The following CNTN1 variants were observed in gnomAD, a reference collection of about 807,000 sequenced individuals.
CNTN1 encodes contactin-1.
A neutral mutation model predicts 126.4 loss-of-function variants in CNTN1; 38 were observed. The observed-to-expected ratio is 0.30, with a 90% confidence interval of 0.23 to 0.39. CNTN1 has a LOEUF of 0.39. CNTN1 is among the 10% of genes least tolerant of loss of function. The probability of loss-of-function intolerance (pLI) is 1.00; values close to 1 mark genes in which losing one functional copy is unlikely to be tolerated. For synonymous variants in CNTN1, 413 were observed against 422.6 expected, an observed-to-expected ratio of 0.98 and a Z score of 0.28; for missense variants, 1,009 against 1,248.4, an observed-to-expected ratio of 0.81 and a Z score of 2.89.
intron 1 of CNTN1, among the ~76,000 whole-genome samples, chr12:40,759,641 A>G (rs1565695934): frequency 6.6e-6 from 1 of 150,898 alleles, no homozygotes. Flanking sequence ...AATTTTCTGT[A>G]TTTTTTTTGT....
chr12:40,996,778 ACTTG>A (rs1241194644), intron 17 of CNTN1, among the ~76,000 whole-genome samples: 1 of 152,200 alleles, frequency 6.6e-6, no homozygotes, highest in Non-Finnish European at 1.5e-5. Context: ...TTTGCCATTT[ACTTG>A]CTTTATTAAA....
chr12:41,014,474 T>C (rs1022350632), intron 18 of CNTN1, among the ~76,000 whole-genome samples, 176 bp downstream of exon 18: 1 of 152,230 alleles, frequency 6.6e-6, no homozygotes, highest in Admixed American at 6.5e-5. Context: ...TACTGTGGCT[T>C]AGTGTGTAGC....
At chr12:40,726,033 A>C (rs1267241317) in intron 1 of CNTN1, among the ~76,000 whole-genome samples, 1 of 152,176 alleles carries the variant, frequency 6.6e-6, no homozygotes, top group Non-Finnish European at 1.5e-5. Context: ...AGAAGACATC[A>C]ATACACAGGT....
At chr12:41,057,232 A>G (rs1215121650) in intron 23 of CNTN1, among the ~76,000 whole-genome samples, 1 of 145,882 alleles carries the variant, frequency 6.9e-6, no homozygotes, top group African/African-American at 2.5e-5. Context: ...TATTATTATA[A>G]ATATTTAGAT....
At chr12:40,911,785 A>G (rs1050405357) in intron 3 of CNTN1, among the ~76,000 whole-genome samples, 4 of 152,184 alleles carry the variant, frequency 2.6e-5, no homozygotes, top group Non-Finnish European at 5.9e-5. Flanking sequence ...CTTTCCCAGA[A>G]ACCTTACACT....
chr12:40,792,028 A>G (rs1054895208), intron 1 of CNTN1, among the ~76,000 whole-genome samples: 4 of 152,142 alleles, frequency 2.6e-5, no homozygotes, highest in African/African-American at 7.2e-5. Flanking sequence ...TGTGTGAGGA[A>G]ATCAATTTAA....
intron 17 of CNTN1, among the ~76,000 whole-genome samples, chr12:40,996,169 G>T (rs7305929): frequency 0.1 from 15,511 of 151,400 alleles, 893 homozygotes; most frequent in Non-Finnish European, 0.13. Flanking sequence ...CAGTTCAGTG[G>T]CTCTTTTTTT....
intron 1 of CNTN1, among the ~76,000 whole-genome samples, chr12:40,741,730 C>T (rs552623765): frequency 1.3e-5 from 2 of 152,130 alleles, no homozygotes; most frequent in South Asian, 4.1e-4. Context: ...TATCATTTCA[C>T]TTCAGACTTA....
intron 1 of CNTN1, among the ~76,000 whole-genome samples, chr12:40,888,173 T>A (rs1026981888): frequency 3.3e-5 from 5 of 152,026 alleles, no homozygotes; most frequent in Admixed American, 3.3e-4. Flanking sequence ...ATAATAATAA[T>A]AAAGAGTCTT....
intron 15 of CNTN1, among the ~76,000 whole-genome samples, chr12:40,961,249 C>T (rs1376483857): frequency 6.6e-6 from 1 of 151,870 alleles, no homozygotes; most frequent in Non-Finnish European, 1.5e-5. Flanking sequence ...GAGTCATAAC[C>T]ATTCTTCAAA....
intron 23 of CNTN1, among the ~76,000 whole-genome samples, chr12:41,033,496 C>A (rs1949189825): frequency 6.8e-6 from 1 of 148,090 alleles, no homozygotes; most frequent in Non-Finnish European, 1.5e-5. Context: ...TATTTTAAGT[C>A]TTTACTTTTC....
chr12:40,715,918 G>C lies in CNTN1; in HGVS notation c.-77+23326G>C, dbSNP rs1290377837. Among the ~76,000 whole-genome samples, 4 of 152,126 alleles carry C rather than the reference G, an allele frequency of 2.6e-5. No individual in the cohort carries two copies. In the South Asian group the frequency reaches 6.2e-4, roughly 24 times the overall value. ...ACCACCATTCAGACATTCAGAGTTA[G>C]TTAGTTTGGGCTTGCATCTTGACAT... On this transcript the variant is annotated intron_variant, in intron 1 of 23. Transcript: ENST00000551295.
At chr12:40,947,782 TAC>T (rs56852774) in intron 14 of CNTN1, among the ~76,000 whole-genome samples, 10,871 of 118,502 alleles carry the variant, frequency 0.092, 741 homozygotes, top group African/African-American at 0.16. Context: ...TATATATATA[TAC>T]ACACACACAC....
At chr12:41,014,382 A>G in intron 18 of CNTN1, 84 bp downstream of exon 18, 1 of 1,378,318 alleles carries the variant, frequency 7.3e-7, no homozygotes, top group Non-Finnish European at 1.0e-6. Flanking sequence ...AAATAAATTG[A>G]GATGAAAGTG....
intron 23 of CNTN1, among the ~76,000 whole-genome samples, chr12:41,039,935 A>T (rs1217495394): frequency 2.6e-5 from 4 of 152,156 alleles, no homozygotes; most frequent in Non-Finnish European, 5.9e-5. Context: ...CTCTCAACTC[A>T]AAATTGCTTA....
intron 1 of CNTN1, among the ~76,000 whole-genome samples, chr12:40,883,157 G>A (rs143628328): frequency 2.0e-5 from 3 of 151,652 alleles, no homozygotes; most frequent in South Asian, 2.1e-4. Flanking sequence ...CCAGGGGAGG[G>A]GTATGTTTTT....
intron 23 of CNTN1, among the ~76,000 whole-genome samples, chr12:41,059,288 A>G (rs1592478329): frequency 6.6e-6 from 1 of 152,274 alleles, no homozygotes; most frequent in East Asian, 1.9e-4. Context: ...ATGACTGAAG[A>G]CCAACAGAAC....
At chr12:40,764,547 G>A (rs183869941) in intron 1 of CNTN1, among the ~76,000 whole-genome samples, 30 of 152,142 alleles carry the variant, frequency 2.0e-4, no homozygotes, top group Middle Eastern at 3.4e-3. Flanking sequence ...CAAAGAAATG[G>A]CCTCCAGGCC....
intron 17 of CNTN1, among the ~76,000 whole-genome samples, chr12:40,996,975 C>T (rs1445213629): frequency 2.0e-5 from 3 of 152,222 alleles, no homozygotes; most frequent in Non-Finnish European, 4.4e-5. Context: ...TCCCCAGCCT[C>T]ATTATGCTGA....
Sources: gnomAD v4.1 joint callset for allele counts (sites outside exome capture counted in the v4.1 genomes callset) on GRCh38, gnomAD v4.1.1 for gene constraint, MANE v1.5 for transcripts, NCBI Gene and HGNC (gene_info 2026-07-23, HGNC 2026-07-21) for gene names.